NKAIN3: variants seen among roughly 807,000 people sequenced by gnomAD.
The protein encoded by NKAIN3 is sodium/potassium-transporting ATPase subunit beta-1-interacting protein 3.
NKAIN3 carries 25 observed loss-of-function variants against 30.2 expected under a neutral mutation model. The observed-to-expected ratio is 0.83, with a 90% CI of 0.60 to 1.16. The LOEUF (loss-of-function observed/expected upper bound fraction) is 1.16, where lower values mean the gene tolerates loss of function less well. NKAIN3 is among the 50% of genes most tolerant of loss of function. The probability of loss-of-function intolerance (pLI) is 0.00; values close to 1 mark genes in which losing one functional copy is unlikely to be tolerated. For synonymous variants in NKAIN3, 91 were observed against 89.6 expected (o/e 1.02, Z -0.09); for missense variants, 225 against 254.1 (o/e 0.89, Z 0.78).
chr8:62,699,277 G>A (rs1351703364), intron 3 of NKAIN3, among the ~76,000 whole-genome samples: 1 of 152,134 alleles, frequency 6.6e-6, no homozygotes, highest in South Asian at 2.1e-4. Context: ...AGTATGATAT[G>A]CTGCATTATT....
At chr8:62,711,699 C>A (rs1814723906) in intron 3 of NKAIN3, among the ~76,000 whole-genome samples, 1 of 152,186 alleles carries the variant, frequency 6.6e-6, no homozygotes. Context: ...TGGTCCCTCC[C>A]TGATTAGCTT....
At chr8:62,502,539 T>TTCCTTCTCCTTC (rs3059053) in intron 1 of NKAIN3, among the ~76,000 whole-genome samples, 44 of 150,346 alleles carry the variant, frequency 2.9e-4, no homozygotes, top group African/African-American at 7.8e-4. Context: ...CCTTCCTCCT[T>TTCCTTCTCCTTC]TCCTTCTCCT....
intron 4 of NKAIN3, among the ~76,000 whole-genome samples, chr8:62,897,551 A>G (rs1821467261): frequency 6.6e-6 from 1 of 152,176 alleles, no homozygotes; most frequent in African/African-American, 2.4e-5. Context: ...ACTTTTGGAC[A>G]TAGTTACTAG....
intron 1 of NKAIN3, among the ~76,000 whole-genome samples, chr8:62,507,213 T>C (rs1023446694): frequency 3.3e-5 from 5 of 152,200 alleles, no homozygotes; most frequent in Non-Finnish European, 7.3e-5. Context: ...TTGGAAGTTA[T>C]GAGTACAACC....
intron 1 of NKAIN3, among the ~76,000 whole-genome samples, chr8:62,349,982 C>T (rs190287855): frequency 3.3e-5 from 5 of 152,254 alleles, no homozygotes; most frequent in Non-Finnish European, 7.4e-5. Flanking sequence ...TTCATGTGAT[C>T]CAAGATATGT....
chr8:62,850,591 C>T (rs1819862568), intron 4 of NKAIN3, among the ~76,000 whole-genome samples: 1 of 152,112 alleles, frequency 6.6e-6, no homozygotes, highest in African/African-American at 2.4e-5. Flanking sequence ...GGTTTTAGGT[C>T]TAACATTTAA....
intron 4 of NKAIN3, among the ~76,000 whole-genome samples, chr8:62,886,546 T>A (rs921666988): frequency 9.2e-5 from 14 of 152,152 alleles, no homozygotes; most frequent in Admixed American, 2.6e-4. Flanking sequence ...ACAAATTATC[T>A]CAATTTTTTA....
chr8:62,801,109 C>A (rs996927305), intron 4 of NKAIN3, among the ~76,000 whole-genome samples: 4 of 152,206 alleles, frequency 2.6e-5, no homozygotes, highest in African/African-American at 9.6e-5. Context: ...AACAAAGAAG[C>A]CGGGAAGCTC....
chr8:62,849,476 T>C (rs1363805340), intron 4 of NKAIN3, among the ~76,000 whole-genome samples: 1 of 150,940 alleles, frequency 6.6e-6, no homozygotes, highest in African/African-American at 2.4e-5. Flanking sequence ...TACTTCAAGT[T>C]TTAGGGTACA....
At chr8:62,466,440 A>C (rs1447682580) in intron 1 of NKAIN3, among the ~76,000 whole-genome samples, 1 of 152,176 alleles carries the variant, frequency 6.6e-6, no homozygotes, top group Non-Finnish European at 1.5e-5. Flanking sequence ...AAACAACTGA[A>C]CTGAGAAAGG....
At chr8:62,788,295 T>A (rs1470313944) in intron 4 of NKAIN3, among the ~76,000 whole-genome samples, 3 of 151,710 alleles carry the variant, frequency 2.0e-5, no homozygotes, top group Non-Finnish European at 4.4e-5. Flanking sequence ...GCAGTGATGA[T>A]GAGCATTTTT....
At chr8:62,672,673 C>G (rs1813342755) in intron 3 of NKAIN3, among the ~76,000 whole-genome samples, 1 of 152,176 alleles carries the variant, frequency 6.6e-6, no homozygotes, top group Non-Finnish European at 1.5e-5. Context: ...ATGTTTGCCT[C>G]ATTGTCTCCC....
At chr8:62,637,570 G>T (rs1476500366) in intron 3 of NKAIN3, among the ~76,000 whole-genome samples, 2 of 152,130 alleles carry the variant, frequency 1.3e-5, no homozygotes, top group Non-Finnish European at 2.9e-5. Context: ...TTAGTCCTTT[G>T]TTGCTACTAT....
chr8:62,619,522 AC>A (rs1811560180), intron 3 of NKAIN3, among the ~76,000 whole-genome samples: 1 of 152,116 alleles, frequency 6.6e-6, no homozygotes, highest in Admixed American at 6.5e-5. Flanking sequence ...ACCTTTCTGG[AC>A]CCAACCAATG....
In NKAIN3 at chr8:62,897,857, C is replaced by T. The variant is rs1821481993; in HGVS notation, c.472-20596C>T. Among the ~76,000 whole-genome samples, 5 of 152,142 alleles carry T rather than the reference C, an allele frequency of 3.3e-5. No individual in the cohort carries two copies. The South Asian group carries it at 1.0e-3, about 32-fold the overall frequency. On this transcript the variant is annotated intron_variant, in intron 4 of 6. Coordinates refer to ENST00000623646, the MANE Select transcript of NKAIN3 (RefSeq NM_001304533.3). ...CGATCGATTTGCACATGCCAGCTTC[C>T]CTCTGCTTTCTGACACAAGTTGACG...
At chr8:62,333,100 C>T (rs906462173) in intron 1 of NKAIN3, among the ~76,000 whole-genome samples, 2 of 152,088 alleles carry the variant, frequency 1.3e-5, no homozygotes, top group Non-Finnish European at 2.9e-5. Flanking sequence ...TTTTGATTTT[C>T]CATTACACAA....
intron 5 of NKAIN3, among the ~76,000 whole-genome samples, chr8:62,997,667 C>T (rs1378011919): frequency 6.6e-6 from 1 of 151,000 alleles, no homozygotes; most frequent in Non-Finnish European, 1.5e-5. Flanking sequence ...TTCATTTGTT[C>T]TTACTTTGCC....
intron 3 of NKAIN3, among the ~76,000 whole-genome samples, chr8:62,744,329 T>C (rs1314631389): frequency 6.6e-6 from 1 of 152,238 alleles, no homozygotes; most frequent in Non-Finnish European, 1.5e-5. Flanking sequence ...TGAGGAATAG[T>C]ACCATTTATA....
chr8:62,879,796 C>T lies in NKAIN3; in HGVS notation c.472-38657C>T, dbSNP rs551751698. On this transcript the variant is annotated intron_variant, in intron 4 of 6. Coordinates refer to ENST00000623646, the MANE Select transcript of NKAIN3 (RefSeq NM_001304533.3). ...TCCATCCCCCAGAGAATTGCAATAT[C>T]ATACACAGAGAATGTATTGCAGTGT... Among the ~76,000 whole-genome samples the T allele has an allele frequency of 2.6e-5, 4 of 152,266 alleles. No homozygotes were observed. The South Asian group carries it at 8.3e-4, about 32-fold the overall frequency.
Sources: allele counts gnomAD v4.1 joint callset (sites outside exome capture counted in the v4.1 genomes callset), GRCh38; gene constraint gnomAD v4.1.1; transcripts MANE v1.5; gene names NCBI Gene and HGNC (gene_info 2026-07-23, HGNC 2026-07-21).